Variants in PTPRR observed in about 807,000 individuals in gnomAD.
PTPRR encodes receptor-type tyrosine-protein phosphatase R.
In PTPRR, 38 loss-of-function variants were observed where a neutral mutation model predicts 77.2. That is an observed-to-expected ratio of 0.49 (90% CI 0.38 to 0.65). The LOEUF is 0.65. Among genes scored for constraint, PTPRR ranks in the 30% least tolerant of loss-of-function variants. The pLI is 0.00. For synonymous variants in PTPRR, 299 were observed against 283.1 expected (o/e 1.06, Z -0.57); for missense variants, 744 against 799.2 (o/e 0.93, Z 0.83).
chr12:70,899,816 A>G (rs1024484120), intron 1 of PTPRR, among the ~76,000 whole-genome samples: 1 of 151,482 alleles, frequency 6.6e-6, no homozygotes, highest in African/African-American at 2.4e-5. Flanking sequence ...ATCTTCCTAG[A>G]ACTGACAGGT....
rs2136629243 is a variant in PTPRR at position 70,638,441 on chromosome 12, A to G, written c.*743T>C. 6.5e-6 allele frequency: 1 copy of G among 152,728 alleles called. No homozygotes were observed. The highest frequency in any genetic ancestry group is 3.4e-3 in the Middle Eastern group (1 of 294). The allele number at this position is 152,728 out of a possible 1,614,324, so 9.5% of individuals were successfully genotyped here. On this transcript the variant is annotated 3_prime_UTR_variant, in exon 14 of 14. Transcript: ENST00000283228. ...CCCTTTTAAAGTAAAATGACTCACG[A>G]TGTGGAAATACAGTGGATAGAGTTC...
intron 13 of PTPRR, among the ~76,000 whole-genome samples, chr12:70,656,310 A>G (rs1477144754): frequency 6.6e-6 from 1 of 152,182 alleles, no homozygotes; most frequent in Non-Finnish European, 1.5e-5. Flanking sequence ...TGGGAGATTC[A>G]CTTGTGGTCA....
At position 70,732,125 on chromosome 12, in the gene PTPRR, C is replaced by G. The variant is rs539219377; in HGVS notation, c.1007+13693G>C. On this transcript the variant is annotated intron_variant, in intron 6 of 13. Coordinates refer to ENST00000283228, the MANE Select transcript of PTPRR (RefSeq NM_002849.4). ...GATCCACATCTGAGGTATATTCCTTCAGGCAAAGTGGGCCTCTGCCATACT... is the reference window on the plus strand; with the variant it reads ...GATCCACATCTGAGGTATATTCCTTGAGGCAAAGTGGGCCTCTGCCATACT... Among the ~76,000 whole-genome samples, 17 of 152,378 alleles carry G rather than the reference C, an allele frequency of 1.1e-4. 1 individual carries two copies. In the East Asian group the frequency reaches 1.5e-3, roughly 14 times the overall value.
chr12:70,879,954 G>T (rs538310184), intron 2 of PTPRR, among the ~76,000 whole-genome samples: 2 of 152,280 alleles, frequency 1.3e-5, no homozygotes, highest in South Asian at 2.1e-4. Flanking sequence ...AAAGGTCTCT[G>T]TATTTGTTAG....
chr12:70,722,981 G>A (rs1304678269), intron 6 of PTPRR, among the ~76,000 whole-genome samples: 3 of 152,148 alleles, frequency 2.0e-5, no homozygotes, highest in Admixed American at 1.3e-4. Flanking sequence ...CAAGTTTTAC[G>A]CACTGAGTTT....
intron 2 of PTPRR, among the ~76,000 whole-genome samples, chr12:70,853,186 T>G (rs1490632245): frequency 3.9e-5 from 6 of 152,220 alleles, no homozygotes; most frequent in Admixed American, 3.9e-4. Flanking sequence ...ATTACTGTGC[T>G]AAGGGCTTCT....
intron 2 of PTPRR, among the ~76,000 whole-genome samples, chr12:70,881,486 T>C (rs1893148711): frequency 6.6e-6 from 1 of 152,162 alleles, no homozygotes; most frequent in South Asian, 2.1e-4. Context: ...ATTTGGCCTA[T>C]CCCCTCAAAA....
At chr12:70,889,857 C>A (rs531695611) in intron 2 of PTPRR, among the ~76,000 whole-genome samples, 18 of 152,186 alleles carry the variant, frequency 1.2e-4, no homozygotes, top group African/African-American at 4.3e-4. Flanking sequence ...CAGAGTAAAT[C>A]ATAATCTTCC....
At chr12:70,917,772 G>C (rs1439380088) in intron 1 of PTPRR, among the ~76,000 whole-genome samples, 2 of 152,080 alleles carry the variant, frequency 1.3e-5, no homozygotes, top group Non-Finnish European at 2.9e-5. Context: ...ATCATTACAG[G>C]CATGGTTATA....
intron 1 of PTPRR, among the ~76,000 whole-genome samples, chr12:70,913,939 A>G (rs534251165): frequency 7.2e-5 from 11 of 152,194 alleles, no homozygotes; most frequent in Non-Finnish European, 1.6e-4. Context: ...ATAGAAATAA[A>G]GCTGCAATTG....
At chr12:70,767,995 T>C (rs1456428440) in intron 2 of PTPRR, among the ~76,000 whole-genome samples, 1 of 151,870 alleles carries the variant, frequency 6.6e-6, no homozygotes, top group South Asian at 2.1e-4. Context: ...TACCAGAATC[T>C]CTGGGACACA....
chr12:70,897,903 C>CA (rs1893459768), intron 1 of PTPRR, among the ~76,000 whole-genome samples: 1 of 147,726 alleles, frequency 6.8e-6, no homozygotes, highest in South Asian at 2.1e-4. Context: ...ATCACAAGGA[C>CA]AAAAAACCAA....
chr12:70,766,180 T>C (rs974545170), intron 2 of PTPRR, among the ~76,000 whole-genome samples: 56 of 151,950 alleles, frequency 3.7e-4, no homozygotes, highest in South Asian at 4.1e-4. Flanking sequence ...CTTTGACGAG[T>C]TGAGAGAAGA....
intron 1 of PTPRR, among the ~76,000 whole-genome samples, chr12:70,898,684 C>T (rs904368357): frequency 2.7e-5 from 4 of 150,210 alleles, no homozygotes; most frequent in African/African-American, 4.9e-5. Flanking sequence ...ATATAAGCTT[C>T]CACTTTAAGA....
chr12:70,667,122 AT>A (rs1476723094), intron 10 of PTPRR, among the ~76,000 whole-genome samples: 2 of 151,336 alleles, frequency 1.3e-5, no homozygotes, highest in African/African-American at 2.4e-5. Flanking sequence ...TGCCTGGCTA[AT>A]TTTTTGTATT....
At chr12:70,877,097 G>C (rs1399416698) in intron 2 of PTPRR, among the ~76,000 whole-genome samples, 2 of 152,130 alleles carry the variant, frequency 1.3e-5, no homozygotes, top group Middle Eastern at 3.2e-3. Context: ...AGGAACTGAC[G>C]TGCCAGTTGG....
chr12:70,744,779 C>T (rs529418435), intron 6 of PTPRR, among the ~76,000 whole-genome samples: 1 of 152,210 alleles, frequency 6.6e-6, no homozygotes, highest in East Asian at 1.9e-4. Context: ...GGAGAATGAA[C>T]CTGGGATATT....
chr12:70,848,011 G>A (rs1233983725), intron 2 of PTPRR, among the ~76,000 whole-genome samples: 1 of 152,172 alleles, frequency 6.6e-6, no homozygotes. Context: ...ATATGGGCAT[G>A]ATAATAATCT....
At chr12:70,878,080 A>C (rs1262788791) in intron 2 of PTPRR, among the ~76,000 whole-genome samples, 3 of 152,102 alleles carry the variant, frequency 2.0e-5, no homozygotes. Flanking sequence ...CCTTCCTTAC[A>C]CCTTATACAA....
Sources: gnomAD v4.1 joint callset for allele counts (sites outside exome capture counted in the v4.1 genomes callset) on GRCh38, gnomAD v4.1.1 for gene constraint, MANE v1.5 for transcripts, NCBI Gene and HGNC (gene_info 2026-07-23, HGNC 2026-07-21) for gene names.